Variants in PCLO observed in about 807,000 individuals in gnomAD.
PCLO encodes protein piccolo.
A neutral mutation model predicts 427.5 loss-of-function variants in PCLO; 82 were observed. That is an observed-to-expected ratio of 0.19 (90% CI 0.16 to 0.23). The LOEUF (loss-of-function observed/expected upper bound fraction) is 0.23. Among genes scored for constraint, PCLO ranks in the 10% least tolerant of loss-of-function variants. The probability of loss-of-function intolerance (pLI) is 1.00; values close to 1 mark genes in which losing one functional copy is unlikely to be tolerated. For synonymous variants in PCLO, 2,357 were observed against 2,155.4 expected (o/e 1.09, Z -2.59); for missense variants, 6,239 against 6,115.9 (o/e 1.02, Z -0.67).
At chr7:82,794,450 A>ATTTTTTTCTGTTTTTTTTTTTTTTT (rs1791172788) in intron 22 of PCLO, among the ~76,000 whole-genome samples, 1 of 62,030 alleles carries the variant, frequency 1.6e-5, no homozygotes, top group African/African-American at 4.1e-5. Flanking sequence ...TAGTTCATAA[A>ATTTTTTTCTGTTTTTTTTTTTTTTT]TTTTTTTTCT....
chr7:83,126,879 G>A (rs996119007), intron 3 of PCLO, among the ~76,000 whole-genome samples: 1 of 151,970 alleles, frequency 6.6e-6, no homozygotes, highest in African/African-American at 2.4e-5. Context: ...TCATGAAATT[G>A]ATAAATATTA....
At chr7:83,107,493 C>T (rs1171120025) in intron 3 of PCLO, among the ~76,000 whole-genome samples, 1 of 146,080 alleles carries the variant, frequency 6.8e-6, no homozygotes, top group African/African-American at 2.6e-5. Context: ...TATCTATTGT[C>T]AATTATTAAT....
intron 3 of PCLO, among the ~76,000 whole-genome samples, chr7:83,112,819 A>G (rs1185921313): frequency 6.6e-6 from 1 of 152,214 alleles, no homozygotes; most frequent in Non-Finnish European, 1.5e-5. Context: ...GAACACAGCA[A>G]TGCATGTGTT....
chr7:82,954,706 T>C lies in PCLO; in HGVS notation c.6247A>G (p.Thr2083Ala). 1 of 1,613,888 alleles carries C rather than the reference T, an allele frequency of 6.2e-7. No homozygotes were observed. The highest frequency in any genetic ancestry group is 8.5e-7 in the Non-Finnish European group (1 of 1,179,846). ...ATATCCTCACCAATGGGGGCCTGGG[T>C]TGGGCTAGATCCAGGTGTTAATTGC... ...QMQLTPGSSP[T>A]QAPIGEDMTE... Residue 2083 changes from threonine (T) to alanine (A), a missense_variant, in exon 5 of 25, where the codon ACC (threonine) becomes GCC (alanine). Transcript: ENST00000333891.
chr7:82,848,137 G>A (rs1394880289), intron 10 of PCLO, among the ~76,000 whole-genome samples: 2 of 151,642 alleles, frequency 1.3e-5, no homozygotes, highest in Non-Finnish European at 2.9e-5. Context: ...CAAAATCATT[G>A]AGGGGTCCAC....
chr7:83,130,832 C>G (rs1232467162), intron 3 of PCLO, among the ~76,000 whole-genome samples: 2 of 152,172 alleles, frequency 1.3e-5, no homozygotes, highest in African/African-American at 4.8e-5. Context: ...TGACAAATAT[C>G]TCCTAGCAAT....
intron 22 of PCLO, among the ~76,000 whole-genome samples, chr7:82,788,358 A>G (rs951269646): frequency 6.6e-6 from 1 of 150,770 alleles, no homozygotes; most frequent in African/African-American, 2.4e-5. Flanking sequence ...AATATTTTTT[A>G]AAAACCAAAA....
intron 3 of PCLO, among the ~76,000 whole-genome samples, chr7:83,015,373 A>T (rs1788181422): frequency 6.6e-6 from 1 of 151,596 alleles, no homozygotes; most frequent in African/African-American, 2.4e-5. Context: ...TCAGCCTCCT[A>T]GAGTGGGAGG....
At chr7:82,999,831 T>A in intron 3 of PCLO, among the ~76,000 whole-genome samples, 1 of 98,350 alleles carries the variant, frequency 1.0e-5, no homozygotes, top group Non-Finnish European at 1.9e-5. Context: ...ATATATAATA[T>A]TAAATATAAA....
rs781071703 is a variant in PCLO, at chr7:82,966,140, T to G, written c.3648A>C (p.Glu1216Asp). ...SALQEKKPLP[E>D]EKKLIPEEEK... ...CTTCTTCAGGGATTAGTTTTTTTTC[T>G]TCAGGGAGTGGCTTTTTTTCTTGAA... The change falls in exon 4 of 25, where the codon GAA becomes GAC. Residue 1216 changes from glutamate (E) to aspartate (D), a missense_variant. Glu to Asp is a conservative substitution (Grantham distance 45). Around this residue, in one of 5 missense-constraint regions of PCLO, gnomAD observed 4,677 missense variants for 4,468.4 expected, o/e 1.05. Coordinates refer to ENST00000333891, the MANE Select transcript of PCLO (RefSeq NM_033026.6). 1 of 1,606,602 alleles carries G rather than the reference T, an allele frequency of 6.2e-7. No homozygotes were observed.
rs184607004 is a variant in PCLO at position 83,135,559 on chromosome 7, G to A, written c.1991C>T (p.Ala664Val). Residue 664 changes from alanine (A) to valine (V), a missense_variant, in exon 3 of 25, where the codon GCA becomes GTA. This residue lies in a region of PCLO where 4,677 missense variants were observed against 4,468.4 expected (regional missense o/e 1.05). Transcript: ENST00000333891. The stretch of plus-strand genomic sequence containing the variant: ...CACTGCTGATGTAGTGGTAACAGGT[G>A]CAGTCTTCAGTTTGGGCTGGGGTGA... Reference protein sequence around the residue: ...PSSPQPKLKTAPVTTTSAVSK... With the variant: ...PSSPQPKLKTVPVTTTSAVSK... 92 of 1,613,600 alleles carry A rather than the reference G, an allele frequency of 5.7e-5. No homozygotes were observed. Among genetic ancestry groups the A allele is most frequent in the Admixed American group, 1.0e-4 (6 of 59,986 alleles).
At chr7:82,975,977 T>C (rs1796008222) in intron 3 of PCLO, among the ~76,000 whole-genome samples, 1 of 152,148 alleles carries the variant, frequency 6.6e-6, no homozygotes. Flanking sequence ...AACTTCTTTG[T>C]TTTATAAATT....
At chr7:82,904,752 C>A (rs1451187795) in intron 8 of PCLO, among the ~76,000 whole-genome samples, 3 of 151,926 alleles carry the variant, frequency 2.0e-5, no homozygotes, top group African/African-American at 4.8e-5. Flanking sequence ...CCAGTTTTAT[C>A]AAATAGCCAC....
At chr7:82,834,386 G>A (rs945245751) in intron 16 of PCLO, among the ~76,000 whole-genome samples, 2 of 152,166 alleles carry the variant, frequency 1.3e-5, no homozygotes, top group Non-Finnish European at 2.9e-5. Flanking sequence ...TACATTGTTT[G>A]CCATAATTAT....
chr7:83,071,688 GA>G (rs1395775151), intron 3 of PCLO, among the ~76,000 whole-genome samples: 1 of 151,722 alleles, frequency 6.6e-6, no homozygotes, highest in African/African-American at 2.4e-5. Flanking sequence ...TACTACTAAT[GA>G]AAAGAAGCTT....
chr7:82,799,825 G>A (rs1359142816), intron 22 of PCLO, among the ~76,000 whole-genome samples: 1 of 152,146 alleles, frequency 6.6e-6, no homozygotes, highest in African/African-American at 2.4e-5. Flanking sequence ...CTGTCCTCTA[G>A]CTTATGGGGA....
chr7:83,060,739 A>T (rs370778697), intron 3 of PCLO, among the ~76,000 whole-genome samples: 2 of 152,314 alleles, frequency 1.3e-5, no homozygotes, highest in East Asian at 1.9e-4. Flanking sequence ...GGTTCTAGAC[A>T]GTTTCAAAAA....
intron 20 of PCLO, among the ~76,000 whole-genome samples, chr7:82,814,988 A>G (rs150385689): frequency 3.7e-4 from 56 of 152,150 alleles, no homozygotes; most frequent in African/African-American, 1.3e-3. Context: ...AGATCATTTT[A>G]TCATGCTATT....
intron 6 of PCLO, among the ~76,000 whole-genome samples, chr7:82,922,262 G>A (rs1016778691): frequency 5.9e-5 from 9 of 151,716 alleles, no homozygotes; most frequent in Admixed American, 2.6e-4. Flanking sequence ...AATATATATC[G>A]ATCTACCATA....
Sources: allele counts gnomAD v4.1 joint callset (sites outside exome capture counted in the v4.1 genomes callset), GRCh38; gene constraint gnomAD v4.1.1; regional missense constraint gnomAD v4.1.1; transcripts MANE v1.5; gene names NCBI Gene and HGNC (gene_info 2026-07-23, HGNC 2026-07-21).